Variants in COL24A1 observed in about 807,000 individuals in gnomAD.
COL24A1 encodes the protein collagen type XXIV alpha 1 chain.
Under a neutral mutation model 253.9 loss-of-function variants are expected in COL24A1, and 224 were observed. The ratio of observed to expected loss-of-function variants is 0.88; its 90% CI spans 0.79 to 0.99. COL24A1 has a LOEUF of 0.99. Ranked by LOEUF, COL24A1 falls within the 50% of genes least tolerant of loss-of-function variation. COL24A1 has a pLI of 0.00. For synonymous variants in COL24A1, 685 were observed against 673.7 expected, an observed-to-expected ratio of 1.02 and a Z score of -0.26; for missense variants, 2,131 against 2,068.5, an observed-to-expected ratio of 1.03 and a Z score of -0.59.
intron 12 of COL24A1, among the ~76,000 whole-genome samples, chr1:86,039,613 T>C (rs1345882694): frequency 7.2e-5 from 11 of 152,146 alleles, no homozygotes; most frequent in Admixed American, 7.2e-4. Context: ...ATAAAAATTA[T>C]CATAGAAGGT....
chr1:86,105,464 G>A (rs1395717), intron 5 of COL24A1, among the ~76,000 whole-genome samples: 38,354 of 152,088 alleles, frequency 0.25, 5,347 homozygotes, highest in East Asian at 0.41. Context: ...GCCCCAGTCT[G>A]GCTGCATCTG....
At chr1:85,813,455 CT>C (rs138621527) in intron 47 of COL24A1, among the ~76,000 whole-genome samples, 3 of 143,906 alleles carry the variant, frequency 2.1e-5, no homozygotes, top group African/African-American at 5.2e-5. Context: ...GCTGAAAGAC[CT>C]TTTTTTTTGC....
chr1:85,785,950 C>G (rs185337313), intron 48 of COL24A1, among the ~76,000 whole-genome samples: 2 of 152,054 alleles, frequency 1.3e-5, no homozygotes, highest in African/African-American at 2.4e-5. Flanking sequence ...ACAGTCTGTA[C>G]GGTTATCAGA....
chr1:86,052,859 A>G (rs894273006), intron 10 of COL24A1, among the ~76,000 whole-genome samples: 1 of 152,034 alleles, frequency 6.6e-6, no homozygotes, highest in East Asian at 1.9e-4. Context: ...TTAGTTAAGT[A>G]TTGCCATTAA....
intron 52 of COL24A1, among the ~76,000 whole-genome samples, chr1:85,776,805 A>T (rs931198739): frequency 6.6e-6 from 1 of 151,950 alleles, no homozygotes; most frequent in African/African-American, 2.4e-5. Flanking sequence ...ATTTCTTCTG[A>T]TCTATGTCAT....
chr1:86,053,975 T>C (rs995281813), intron 10 of COL24A1, among the ~76,000 whole-genome samples: 3 of 152,226 alleles, frequency 2.0e-5, no homozygotes, highest in Admixed American at 6.5e-5. Context: ...TAAAAATCTA[T>C]ACTTGATAAA....
intron 14 of COL24A1, among the ~76,000 whole-genome samples, chr1:86,026,935 T>A (rs1698086958): frequency 6.6e-6 from 1 of 152,174 alleles, no homozygotes; most frequent in South Asian, 2.1e-4. Context: ...TCCCAGGAAC[T>A]ACAGTAAGGG....
At chr1:85,855,808 C>A (rs1000777464) in intron 37 of COL24A1, among the ~76,000 whole-genome samples, 15 of 152,082 alleles carry the variant, frequency 9.9e-5, no homozygotes, top group Admixed American at 3.3e-4. Context: ...TAGATTATGG[C>A]TGTCAATCTG....
At chr1:85,797,124 G>A (rs1355457345) in intron 47 of COL24A1, among the ~76,000 whole-genome samples, 1 of 147,996 alleles carries the variant, frequency 6.8e-6, no homozygotes, top group African/African-American at 2.5e-5. Context: ...GGAGAATGGC[G>A]TGAATCTGGG....
At chr1:86,042,085 C>T (rs1326677764) in intron 12 of COL24A1, among the ~76,000 whole-genome samples, 2 of 152,176 alleles carry the variant, frequency 1.3e-5, no homozygotes, top group South Asian at 2.1e-4. Flanking sequence ...AACTACACCT[C>T]GCTATCCAAA....
intron 53 of COL24A1, among the ~76,000 whole-genome samples, chr1:85,762,322 T>C (rs536720473): frequency 6.6e-6 from 1 of 152,332 alleles, no homozygotes; most frequent in African/African-American, 2.4e-5. Flanking sequence ...ATTAAGCATC[T>C]TGTATTGCCA....
chr1:85,956,814 A>G (rs997514053), intron 24 of COL24A1, among the ~76,000 whole-genome samples: 1 of 152,206 alleles, frequency 6.6e-6, no homozygotes, highest in African/African-American at 2.4e-5. Context: ...TTTAAGTATC[A>G]TCAACAGTAA....
rs77982521 is a variant in COL24A1, at chr1:86,148,616, T to C, written c.57-2433A>G. Among the ~76,000 whole-genome samples the C allele has an allele frequency of 1.1e-4, 17 of 152,210 alleles. No individual in the cohort carries two copies. In the East Asian group the frequency reaches 3.1e-3, roughly 28 times the overall value. On this transcript the variant is annotated intron_variant, in intron 1 of 59. Transcript: ENST00000370571. Reference sequence around the variant, plus strand: ...TATGCAGTGTTTGGTTTTTTGTTCTTGTGGTAGTTTACTGAGAATGATGAT... The same window carrying C: ...TATGCAGTGTTTGGTTTTTTGTTCTCGTGGTAGTTTACTGAGAATGATGAT...
intron 37 of COL24A1, among the ~76,000 whole-genome samples, chr1:85,865,158 G>GA (rs35687646): frequency 2.7e-4 from 39 of 146,844 alleles, no homozygotes; most frequent in Admixed American, 6.8e-4. Context: ...TTCTTTTCTT[G>GA]AAAAAAAAAA....
At chr1:85,932,158 C>A (rs1446659013) in intron 24 of COL24A1, among the ~76,000 whole-genome samples, 680 of 87,886 alleles carry the variant, frequency 7.7e-3, no homozygotes, top group Non-Finnish European at 0.011. Context: ...CAACCTACAA[C>A]ATGGGAGAAA....
intron 47 of COL24A1, among the ~76,000 whole-genome samples, chr1:85,798,200 T>TAAAAAA (rs5775871): frequency 7.2e-6 from 1 of 139,024 alleles, no homozygotes; most frequent in Non-Finnish European, 1.5e-5. Context: ...CTGTCTCTAT[T>TAAAAAA]AAAAAAAAAA....
intron 34 of COL24A1, among the ~76,000 whole-genome samples, chr1:85,875,030 C>T (rs1680977936): frequency 6.6e-6 from 1 of 152,200 alleles, no homozygotes; most frequent in Non-Finnish European, 1.5e-5. Flanking sequence ...CAGTTTCATC[C>T]TGAAACCATC....
chr1:85,968,684 G>A (rs961452072), intron 22 of COL24A1, among the ~76,000 whole-genome samples: 1 of 149,848 alleles, frequency 6.7e-6, no homozygotes, highest in Non-Finnish European at 1.5e-5. Context: ...TCCACTGGTT[G>A]GTAAGAGCCT....
chr1:85,843,097 C>T (rs1676796332), intron 39 of COL24A1, among the ~76,000 whole-genome samples: 1 of 152,068 alleles, frequency 6.6e-6, no homozygotes, highest in African/African-American at 2.4e-5. Context: ...CTATTTGAGT[C>T]TCAAAACAAA....
Sources: gnomAD v4.1 joint callset for allele counts (sites outside exome capture counted in the v4.1 genomes callset) on GRCh38, gnomAD v4.1.1 for gene constraint, MANE v1.5 for transcripts, NCBI Gene and HGNC (gene_info 2026-07-23, HGNC 2026-07-21) for gene names.